The following COL22A1 variants were observed in gnomAD, a reference collection of about 807,000 sequenced individuals.
COL22A1 encodes collagen alpha-1(XXII) chain.
In COL22A1, 221 loss-of-function variants were observed where a neutral mutation model predicts 248.9. That is an observed-to-expected ratio of 0.89 (90% CI 0.80 to 0.99). The LOEUF is 0.99. Ranked by LOEUF, COL22A1 falls within the 50% of genes least tolerant of loss-of-function variation. The pLI is 0.00. For missense variants in COL22A1, 2,240 were observed against 2,179.0 expected (o/e 1.03, Z -0.56); for synonymous variants, 891 against 793.4 (o/e 1.12, Z -2.07).
intron 36 of COL22A1, among the ~76,000 whole-genome samples, 191 bp from the exon 37 acceptor site, chr8:138,689,161 G>GC (rs1554749843): frequency 9.6e-5 from 14 of 145,106 alleles, no homozygotes; most frequent in South Asian, 6.4e-4. Flanking sequence ...GCTCTCCCGG[G>GC]GGGGGGGCTG....
At chr8:138,830,708 C>T (rs145710086) in intron 5 of COL22A1, among the ~76,000 whole-genome samples, 89 of 152,340 alleles carry the variant, frequency 5.8e-4, no homozygotes, top group African/African-American at 2.1e-3. Flanking sequence ...TGGTTAGACC[C>T]TTCCACTAGA....
intron 41 of COL22A1, among the ~76,000 whole-genome samples, chr8:138,666,505 C>T (rs1006424049): frequency 6.6e-6 from 1 of 152,212 alleles, no homozygotes; most frequent in African/African-American, 2.4e-5. Context: ...ATAATGGACT[C>T]AGAATTCCAA....
intron 3 of COL22A1, among the ~76,000 whole-genome samples, chr8:138,869,771 T>C (rs62528812): frequency 0.37 from 56,412 of 152,116 alleles, 11,913 homozygotes; most frequent in African/African-American, 0.56. Flanking sequence ...GGGCAGGGCC[T>C]GGGCTGACTT....
chr8:138,847,753 G>A (rs1821350486), intron 3 of COL22A1, among the ~76,000 whole-genome samples: 2 of 150,668 alleles, frequency 1.3e-5, no homozygotes, highest in African/African-American at 4.9e-5. Flanking sequence ...GAGAATGGAG[G>A]AAATATCAAA....
At position 138,702,961 on chromosome 8, in the gene COL22A1, T is replaced by C. The variant is rs553567155; in HGVS notation, c.2559+345A>G. ...CTAACACGTATAGAGGGCCAATGAA[T>C]GAAGCCCAGTTCCTGGGTCATGGTA... On this transcript the variant is annotated intron_variant, in intron 31 of 64. Transcript: ENST00000303045. Among the ~76,000 whole-genome samples, 3 of 152,320 alleles carry C rather than the reference T, an allele frequency of 2.0e-5. 1 individual carries two copies. The South Asian group carries it at 6.2e-4, about 32-fold the overall frequency.
At chr8:138,793,502 C>T (rs1816244557) in intron 12 of COL22A1, among the ~76,000 whole-genome samples, 1 of 152,350 alleles carries the variant, frequency 6.6e-6, no homozygotes, top group South Asian at 2.1e-4. Flanking sequence ...AAGTGACTCA[C>T]TCCAAATCAC....
chr8:138,626,200 G>C lies in COL22A1; in HGVS notation c.3707C>G (p.Pro1236Arg). The C allele has an allele frequency of 1.2e-6, 2 of 1,602,580 alleles. No homozygotes were observed. Among genetic ancestry groups the C allele is most frequent in the Non-Finnish European group, 1.7e-6 (2 of 1,175,976 alleles). The change falls in exon 51 of 65, where the codon CCC (proline) becomes CGC (arginine). Residue 1236 changes from proline to arginine, a missense_variant. Coordinates refer to ENST00000303045, the MANE Select transcript of COL22A1 (RefSeq NM_152888.3). ...PPGPQGPSGLPGIPGEEGKEG... is the reference protein window; with the variant it reads ...PPGPQGPSGLRGIPGEEGKEG... ...ATAAAAGCCACTTACTGGGATTCCG[G>C]GTAATCCAGATGGGCCTTGGGGGCC...
intron 47 of COL22A1, among the ~76,000 whole-genome samples, chr8:138,643,329 C>A (rs751192594): frequency 2.6e-5 from 4 of 152,174 alleles, no homozygotes; most frequent in Non-Finnish European, 5.9e-5. Flanking sequence ...TCTGTCAAAA[C>A]CATCTAAATC....
At chr8:138,592,448 T>C (rs1817151499) in intron 63 of COL22A1, among the ~76,000 whole-genome samples, 1 of 152,250 alleles carries the variant, frequency 6.6e-6, no homozygotes, top group African/African-American at 2.4e-5. Flanking sequence ...GTCAGTATTC[T>C]GCCACAATCT....
intron 10 of COL22A1, among the ~76,000 whole-genome samples, chr8:138,805,975 TGTGTG>T: frequency 1.8e-5 from 2 of 113,084 alleles, no homozygotes; most frequent in East Asian, 2.8e-4. Context: ...TGTGATAGTG[TGTGTG>T]ATTGTGTGTG....
intron 23 of COL22A1, among the ~76,000 whole-genome samples, chr8:138,737,056 C>T (rs1380225504): frequency 6.6e-6 from 1 of 152,156 alleles, no homozygotes; most frequent in Admixed American, 6.5e-5. Context: ...CCAGCGGCAC[C>T]ACATGCTGCT....
intron 23 of COL22A1, among the ~76,000 whole-genome samples, chr8:138,727,667 A>AT (rs1408688237): frequency 6.6e-6 from 1 of 152,028 alleles, no homozygotes; most frequent in African/African-American, 2.4e-5. Context: ...GACCAGGACC[A>AT]TTTACTGAAC....
At position 138,725,411 on chromosome 8, in the gene COL22A1, G is replaced by A. The variant is rs200485521; in HGVS notation, c.2169C>T (p.Gly723=). The change falls in exon 24 of 65, where the codon GGC becomes GGT. Residue 723 remains glycine (G), a synonymous_variant. Coordinates refer to ENST00000303045, the MANE Select transcript of COL22A1 (RefSeq NM_152888.3). Reference sequence around the variant, plus strand: ...CCGGAGAACCTCCCGGTCCAGGGGGGCCTGGGACACCAGGGGGTCCTGGAG... The same window carrying A: ...CCGGAGAACCTCCCGGTCCAGGGGGACCTGGGACACCAGGGGGTCCTGGAG... ...QGPPGPPGVP[G]PPGPGGSPGL... 22 of 1,613,908 alleles carry A rather than the reference G, an allele frequency of 1.4e-5. No homozygotes were observed. The highest frequency in any genetic ancestry group is 5.0e-5 in the Admixed American group (3 of 59,938).
At chr8:138,834,851 A>G (rs1161273108) in intron 4 of COL22A1, among the ~76,000 whole-genome samples, 1 of 152,204 alleles carries the variant, frequency 6.6e-6, no homozygotes, top group Non-Finnish European at 1.5e-5. Flanking sequence ...AGAGCTTCCA[A>G]TATGCCAAGC....
At chr8:138,622,912 T>C (rs1021617134) in intron 52 of COL22A1, among the ~76,000 whole-genome samples, 3 of 152,000 alleles carry the variant, frequency 2.0e-5, no homozygotes, top group African/African-American at 7.3e-5. Context: ...GATGCCGTCC[T>C]CCATCTTGCC....
chr8:138,598,337 G>GGT (rs1226846860), intron 61 of COL22A1, among the ~76,000 whole-genome samples: 1 of 152,168 alleles, frequency 6.6e-6, no homozygotes, highest in Admixed American at 6.5e-5. Flanking sequence ...GTGAAGTTCA[G>GGT]ACCCCTGGGA....
intron 3 of COL22A1, among the ~76,000 whole-genome samples, chr8:138,847,624 T>C (rs908070810): frequency 1.3e-5 from 2 of 152,172 alleles, no homozygotes; most frequent in South Asian, 2.1e-4. Context: ...AAGGAAAGGA[T>C]TGCTTAAAAA....
chr8:138,731,126 A>C (rs1830675480), intron 23 of COL22A1, among the ~76,000 whole-genome samples: 1 of 151,864 alleles, frequency 6.6e-6, no homozygotes, highest in African/African-American at 2.4e-5. Context: ...ACATGGAGAA[A>C]CCCCATCTCT....
At chr8:138,713,702 A>C (rs1829208738) in intron 30 of COL22A1, among the ~76,000 whole-genome samples, 1 of 82,918 alleles carries the variant, frequency 1.2e-5, no homozygotes, top group South Asian at 4.8e-4. Context: ...ATCACACCCT[A>C]TGAGTCCACC....
Sources: gnomAD v4.1 joint callset for allele counts (sites outside exome capture counted in the v4.1 genomes callset) on GRCh38, gnomAD v4.1.1 for gene constraint, MANE v1.5 for transcripts, NCBI Gene and HGNC (gene_info 2026-07-23, HGNC 2026-07-21) for gene names.